The following DGKD variants were observed in gnomAD, a reference collection of about 807,000 sequenced individuals.
DGKD encodes the protein diacylglycerol kinase delta.
DGKD carries 68 observed loss-of-function variants against 154.4 expected under a neutral mutation model. The observed-to-expected ratio is 0.44, with a 90% CI of 0.36 to 0.54. The LOEUF (loss-of-function observed/expected upper bound fraction) is 0.54, where lower values mean the gene tolerates loss of function less well. Ranked by LOEUF, DGKD falls within the 20% of genes least tolerant of loss-of-function variation. DGKD has a pLI of 0.00. For missense variants in DGKD, 1,343 were observed against 1,593.6 expected (o/e 0.84, Z 2.68); for synonymous variants, 693 against 638.0 (o/e 1.09, Z -1.30).
Position 233,421,936 on chromosome 2 carries a change from C to T in DGKD, c.349-12444C>T, listed in dbSNP as rs188259213. Among the ~76,000 whole-genome samples, 5 of 152,308 alleles carry T rather than the reference C, an allele frequency of 3.3e-5. No individual in the cohort carries two copies. In the East Asian group the frequency reaches 9.6e-4, roughly 29 times the overall value. ...TTGGAGCCCAATGATGAAGATAGCA[C>T]AGGAGAGAGGAGGTGAAGTTGAGGG... is the stretch of plus-strand genomic sequence containing the variant. On this transcript the variant is annotated intron_variant, in intron 3 of 29. Coordinates refer to ENST00000264057, the MANE Select transcript of DGKD (RefSeq NM_152879.3).
chr2:233,429,702 T>C (rs1205599656), intron 3 of DGKD, among the ~76,000 whole-genome samples: 3 of 152,216 alleles, frequency 2.0e-5, no homozygotes, highest in African/African-American at 7.2e-5. Context: ...GAGGGGCTGT[T>C]TGTGGTGCTC....
intron 1 of DGKD, among the ~76,000 whole-genome samples, chr2:233,381,383 G>A (rs1051557188): frequency 2.6e-5 from 4 of 152,208 alleles, no homozygotes; most frequent in African/African-American, 7.2e-5. Flanking sequence ...ATTTAAATCC[G>A]TTATCAGCAG....
At chr2:233,461,320 G>A (rs1263747926) in intron 24 of DGKD, among the ~76,000 whole-genome samples, 1 of 152,240 alleles carries the variant, frequency 6.6e-6, no homozygotes, top group Non-Finnish European at 1.5e-5. Flanking sequence ...TGCACCCGTC[G>A]GTTTTGTGCC....
chr2:233,454,073 G>A (rs2063378015), intron 18 of DGKD, among the ~76,000 whole-genome samples: 1 of 152,222 alleles, frequency 6.6e-6, no homozygotes, highest in Non-Finnish European at 1.5e-5. Context: ...GTGGGGAATA[G>A]TCCAGCAGCT....
At position 233,469,517 on chromosome 2, in the gene DGKD, C is replaced by T. The variant is rs1204290881; in HGVS notation, c.*57C>T. 6.8e-6 allele frequency: 10 copies of T among 1,468,522 alleles called. No individual in the cohort carries two copies. Among genetic ancestry groups the T allele is most frequent in the Admixed American group, 2.0e-5 (1 of 50,852 alleles). 91.0% of individuals were successfully genotyped at this position (1,468,522 alleles called of 1,614,324 possible). On this transcript the variant is annotated 3_prime_UTR_variant, in exon 30 of 30. Transcript: ENST00000264057. Reference sequence around the variant, plus strand: ...CCCCGCCGCCGAGGCCTAGCCTCCGCCCTCTCAGCCTGTGGCCTCTGCGCC... The same window carrying T: ...CCCCGCCGCCGAGGCCTAGCCTCCGTCCTCTCAGCCTGTGGCCTCTGCGCC...
At position 233,448,375 on chromosome 2, in the gene DGKD, G is replaced by A. The variant is rs761513969; in HGVS notation, c.1614G>A (p.Lys538=). 4 of 1,613,668 alleles carry A rather than the reference G, an allele frequency of 2.5e-6. No individual in the cohort carries two copies. The highest frequency in any genetic ancestry group is 4.5e-5 in the East Asian group (2 of 44,870). The part of the protein sequence containing the change: ...SSEESEVMAK[K]CSVLKEKLDS... The stretch of plus-strand genomic sequence containing the variant: ...AGGAGTCAGAGGTCATGGCCAAGAA[G>A]GTCTGTTCCCGTGCCCTGGGTGGGA... The change falls in exon 14 of 30, where the codon AAG becomes AAA. Residue 538 remains lysine (K), a splice_region_variant and synonymous_variant. Coordinates refer to ENST00000264057, the MANE Select transcript of DGKD (RefSeq NM_152879.3).
chr2:233,437,411 A>G lies in DGKD; in HGVS notation c.854A>G (p.Lys285Arg). 3.1e-6 allele frequency: 5 copies of G among 1,614,238 alleles called. No individual in the cohort carries two copies. The highest frequency in any genetic ancestry group is 4.2e-6 in the Non-Finnish European group (5 of 1,180,046). Residue 285 changes from lysine to arginine, a missense_variant, in exon 8 of 30, where the codon AAG becomes AGG. Transcript: ENST00000264057. The part of the protein sequence containing the change: ...HTSCKESLLT[K>R]CPLGLCKVSV... ...TCGTGTAAAGAATCCTTGCTGACCAAGTGCCCACTTGGCCTGTGCAAAGTG... is the reference window on the plus strand; with the variant it reads ...TCGTGTAAAGAATCCTTGCTGACCAGGTGCCCACTTGGCCTGTGCAAAGTG...
chr2:233,395,541 A>G (rs1313965972), intron 3 of DGKD, among the ~76,000 whole-genome samples: 3 of 151,452 alleles, frequency 2.0e-5, no homozygotes, highest in African/African-American at 7.3e-5. Flanking sequence ...TTAAACATTT[A>G]TAGTTCACAG....
intron 3 of DGKD, 32 bp downstream of exon 3, chr2:233,390,515 C>G: frequency 6.4e-7 from 1 of 1,561,584 alleles, no homozygotes; most frequent in Non-Finnish European, 8.8e-7. Flanking sequence ...TTTCTTGATT[C>G]TTCACTGAAG....
chr2:233,368,651 G>T (rs1028773926), intron 1 of DGKD, among the ~76,000 whole-genome samples: 1 of 152,134 alleles, frequency 6.6e-6, no homozygotes, highest in African/African-American at 2.4e-5. Context: ...GTCATCCCCA[G>T]TAGAGGCAAA....
Position 233,452,134 on chromosome 2 carries a change from T to G in DGKD, c.2264+74T>G. On this transcript the variant is annotated intron_variant, in intron 18 of 29. Transcript: ENST00000264057. This position sits in a 1 kb window ranked among gnomAD's most constrained non-coding sequence, Gnocchi z 4.0. ...GTGCATAGAAAACAGATCTCAGGAT[T>G]AACTAGAGAAATTAGTGAGCAGTTG... The G allele has an allele frequency of 7.2e-7, 1 of 1,389,992 alleles. No homozygotes were observed. The highest frequency in any genetic ancestry group is 1.2e-5 in the South Asian group (1 of 85,240). The allele number at this position is 1,389,992 out of a possible 1,614,324, so 86.1% of individuals were successfully genotyped here. A position where few individuals can be genotyped will look rare whatever the true frequency, so the allele number is the denominator to read the frequency against.
chr2:233,437,348 C>T lies in DGKD; in HGVS notation c.820-29C>T, dbSNP rs375495360. 8 of 1,602,402 alleles carry T rather than the reference C, an allele frequency of 5.0e-6. No individual in the cohort carries two copies. In the African/African-American group the frequency reaches 9.4e-5, roughly 19 times the overall value. ...GGTGTGTGTGAAGGATGCCAGTGACCCTTGGTGACGCGGGGACTCTTGTTT... is the reference window on the plus strand; with the variant it reads ...GGTGTGTGTGAAGGATGCCAGTGACTCTTGGTGACGCGGGGACTCTTGTTT... On this transcript the variant is annotated intron_variant, in intron 7 of 29. Coordinates refer to ENST00000264057, the MANE Select transcript of DGKD (RefSeq NM_152879.3).
At chr2:233,434,228 C>T (rs2062618355) in intron 3 of DGKD, 152 bp from the exon 4 acceptor site, 1 of 583,890 alleles carries the variant, frequency 1.7e-6, no homozygotes, top group Non-Finnish European at 3.0e-6. Flanking sequence ...TTTTAGTGAT[C>T]CTTGATAACC....
At chr2:233,388,126 G>T in intron 1 of DGKD, 131 bp from the exon 2 acceptor site, 2 of 1,533,228 alleles carry the variant, frequency 1.3e-6, no homozygotes, top group Non-Finnish European at 1.8e-6. Context: ...GTCAAGGTCT[G>T]TTGAGAGTGT....
At chr2:233,358,713 T>A (rs535163328) in intron 1 of DGKD, among the ~76,000 whole-genome samples, 1 of 152,346 alleles carries the variant, frequency 6.6e-6, no homozygotes, top group East Asian at 1.9e-4. Context: ...ATCCATGTCA[T>A]GGCATGTATC....
In DGKD at chr2:233,448,315, G is replaced by T. The variant is rs756874629; in HGVS notation, c.1554G>T (p.Val518=). The T allele has an allele frequency of 1.6e-5, 26 of 1,614,154 alleles. No individual in the cohort carries two copies. The Admixed American group carries it at 4.3e-4, about 27-fold the overall frequency. The change falls in exon 14 of 30, where the codon GTG becomes GTT. Residue 518 remains valine (V), a synonymous_variant. Coordinates refer to ENST00000264057, the MANE Select transcript of DGKD (RefSeq NM_152879.3). ...CGGTGAAGGACTTCGTGGCACGGGT[G>T]GGGAAGGCCTATGAGAAGACGACCG... is the stretch of plus-strand genomic sequence containing the variant. ...CETVKDFVAR[V]GKAYEKTTES...
chr2:233,456,769 C>T lies in DGKD; in HGVS notation c.2376-130C>T, dbSNP rs930210656. On this transcript the variant is annotated intron_variant, in intron 19 of 29. Coordinates refer to ENST00000264057, the MANE Select transcript of DGKD (RefSeq NM_152879.3). ...ACAAAAATGTGTCCTTCAGATGTTA[C>T]TGCTGTAAATAATTGCTAAATGTAG... 9 of 686,334 alleles carry T rather than the reference C, an allele frequency of 1.3e-5. No homozygotes were observed. In the East Asian group the frequency reaches 2.3e-4, roughly 17 times the overall value. 42.5% of individuals were successfully genotyped at this position (686,334 alleles called of 1,614,324 possible).
rs1006646988 is a variant in DGKD at position 233,470,505 on chromosome 2, T to C, written c.*1045T>C. 6.5e-6 allele frequency: 1 copy of C among 152,710 alleles called. No homozygotes were observed. Among genetic ancestry groups the C allele is most frequent in the African/African-American group, 2.4e-5 (1 of 41,478 alleles). 9.5% of individuals were successfully genotyped at this position (152,710 alleles called of 1,614,324 possible). ...CTGGGCGTGATGTCGCTGGAGGTGC[T>C]GGCAGGGACTCTGATTTGGTGGTCC... is the stretch of plus-strand genomic sequence containing the variant. On this transcript the variant is annotated 3_prime_UTR_variant, in exon 30 of 30. Coordinates refer to ENST00000264057, the MANE Select transcript of DGKD (RefSeq NM_152879.3).
At chr2:233,379,799 T>C (rs1009783346) in intron 1 of DGKD, 3 of 152,154 alleles carry the variant, frequency 2.0e-5, no homozygotes, top group African/African-American at 7.2e-5. Context: ...CTTTTTTATT[T>C]TATTTTATTT....
Sources: gnomAD v4.1 joint callset for allele counts (sites outside exome capture counted in the v4.1 genomes callset) on GRCh38, gnomAD v4.1.1 for gene constraint, Gnocchi (gnomAD v3.1) non-coding constraint, MANE v1.5 for transcripts, NCBI Gene and HGNC (gene_info 2026-07-23, HGNC 2026-07-21) for gene names.